UNG: variants seen among roughly 807,000 people sequenced by gnomAD.
UNG encodes the protein uracil-DNA glycosylase.
UNG carries 34 observed loss-of-function variants against 36.5 expected under a neutral mutation model. That is an observed-to-expected ratio of 0.93 (90% CI 0.71 to 1.24). The LOEUF is 1.24. UNG is among the 50% of genes most tolerant of loss of function. The probability of loss-of-function intolerance (pLI) is 0.00; values close to 1 mark genes in which losing one functional copy is unlikely to be tolerated. For missense variants in UNG, 391 were observed against 397.6 expected, an observed-to-expected ratio of 0.98 and a Z score of 0.14; for synonymous variants, 172 against 157.8, an observed-to-expected ratio of 1.09 and a Z score of -0.67.
At position 109,110,140 on chromosome 12, in the gene UNG, A is replaced by G; in HGVS notation, c.*171A>G. On this transcript the variant is annotated 3_prime_UTR_variant, in exon 7 of 7. Transcript: ENST00000242576. ...AGGAATGGCAGCTGTATCCAACCAC[A>G]AACAACAAAGGCTACCCTTTGACCA... 1.2e-6 allele frequency: 1 copy of G among 826,652 alleles called. No homozygotes were observed. The highest frequency in any genetic ancestry group is 1.9e-6 in the Non-Finnish European group (1 of 522,804). The allele number at this position is 826,652 out of a possible 1,614,324, so 51.2% of individuals were successfully genotyped here.
Position 109,101,757 on chromosome 12 carries a change from A to T in UNG, c.436-145A>T, listed in dbSNP as rs1290434188. The T allele has an allele frequency of 4.2e-6, 3 of 717,740 alleles. No individual in the cohort carries two copies. In the Admixed American group the frequency reaches 6.2e-5, roughly 15 times the overall value. The allele number at this position is 717,740 out of a possible 1,614,324, so 44.5% of individuals were successfully genotyped here. On this transcript the variant is annotated intron_variant, in intron 3 of 6. Coordinates refer to ENST00000242576, the MANE Select transcript of UNG (RefSeq NM_080911.3). ...GTACATATCTTTACAAGTTTAAAAT[A>T]CGCTTAGCCTTTGACCAGCAACTCT... is the stretch of plus-strand genomic sequence containing the variant.
At chr12:109,099,028 G>A (rs961663057) in intron 2 of UNG, among the ~76,000 whole-genome samples, 161 bp from the exon 3 acceptor site, 1 of 152,172 alleles carries the variant, frequency 6.6e-6, no homozygotes, top group East Asian at 1.9e-4. Flanking sequence ...TTAGGTGGGG[G>A]GGCAGGCACT....
intron 6 of UNG, chr12:109,105,087 T>A (rs1350623346): frequency 1.3e-5 from 2 of 152,134 alleles, no homozygotes; most frequent in Non-Finnish European, 2.9e-5. Flanking sequence ...TAATATTTTT[T>A]ATTTTTAGTA....
intron 2 of UNG, 57 bp from the exon 3 acceptor site, chr12:109,099,127 TATTGA>T (rs2042157669): frequency 6.8e-7 from 1 of 1,460,974 alleles, no homozygotes; most frequent in South Asian, 1.1e-5. Flanking sequence ...GAAGCTTTCT[TATTGA>T]ATTCTTATGG....
At position 109,102,823 on chromosome 12, in the gene UNG, T is replaced by G; in HGVS notation, c.534-16T>G. 1 of 1,602,978 alleles carries G rather than the reference T, an allele frequency of 6.2e-7. No homozygotes were observed. Among genetic ancestry groups the G allele is most frequent in the South Asian group, 1.1e-5 (1 of 90,864 alleles). ...TTAAGATTCTGTTTTTTGTTTTTCT[T>G]GTGGCTTGCTTTCAGTTTGGAGAAC... On this transcript the variant is annotated splice_polypyrimidine_tract_variant and intron_variant, in intron 4 of 6. Coordinates refer to ENST00000242576, the MANE Select transcript of UNG (RefSeq NM_080911.3).
At chr12:109,102,767 C>T (rs2042187682) in intron 4 of UNG, 72 bp from the exon 5 acceptor site, 1 of 1,261,518 alleles carries the variant, frequency 7.9e-7, no homozygotes, top group Non-Finnish European at 1.2e-6. Flanking sequence ...TCACATATGT[C>T]TTAGACGTTA....
At chr12:109,099,437 T>G in intron 3 of UNG, 153 bp downstream of exon 3, 2 of 694,934 alleles carry the variant, frequency 2.9e-6, no homozygotes, top group South Asian at 3.2e-5. Context: ...CAGCCTGTAT[T>G]TACTCTTTTT....
intron 2 of UNG, 23 bp from the exon 3 acceptor site, chr12:109,099,166 A>C: frequency 6.3e-7 from 1 of 1,599,642 alleles, no homozygotes; most frequent in Non-Finnish European, 8.6e-7. Flanking sequence ...TCTGATTTTA[A>C]GTCTAGTTTA....
At chr12:109,103,236 A>G (rs1288279510) in intron 5 of UNG, among the ~76,000 whole-genome samples, 197 bp from the exon 6 acceptor site, 1 of 152,178 alleles carries the variant, frequency 6.6e-6, no homozygotes, top group East Asian at 1.9e-4. Context: ...GATTACAGGC[A>G]TAAGCCACCA....
chr12:109,102,340 C>T (rs542670315), intron 4 of UNG, among the ~76,000 whole-genome samples: 2 of 152,028 alleles, frequency 1.3e-5, no homozygotes, highest in South Asian at 2.1e-4. Flanking sequence ...GGGCCGGGCG[C>T]GGTGACTCAC....
At chr12:109,103,292 A>G in intron 5 of UNG, 141 bp from the exon 6 acceptor site, 1 of 831,346 alleles carries the variant, frequency 1.2e-6, no homozygotes, top group East Asian at 2.6e-5. Flanking sequence ...TGCTGCCATT[A>G]TGCCGGCTGC....
chr12:109,098,658 T>C lies in UNG; in HGVS notation c.339+20T>C. 2 of 1,613,174 alleles carry C rather than the reference T, an allele frequency of 1.2e-6. No individual in the cohort carries two copies. The highest frequency in any genetic ancestry group is 1.7e-4 in the Middle Eastern group (1 of 6,060). The stretch of plus-strand genomic sequence containing the variant: ...ATCAAGGTAAATATGGAAATGCACC[T>C]TCCATAAGGGTAAATGTGGAGGCTG... On this transcript the variant is annotated intron_variant, in intron 2 of 6. Coordinates refer to ENST00000242576, the MANE Select transcript of UNG (RefSeq NM_080911.3).
Position 109,110,072 on chromosome 12 carries a change from A to C in UNG, c.*103A>C. 6.6e-7 allele frequency: 1 copy of C among 1,523,956 alleles called. No individual in the cohort carries two copies. The highest frequency in any genetic ancestry group is 1.4e-5 in the African/African-American group (1 of 73,210). The allele number at this position is 1,523,956 out of a possible 1,614,324, so 94.4% of individuals were successfully genotyped here. A position where few individuals can be genotyped will look rare whatever the true frequency, so the allele number is the denominator to read the frequency against. On this transcript the variant is annotated 3_prime_UTR_variant, in exon 7 of 7. Transcript: ENST00000242576. ...TATTAATTCTTAAGTACTCTGCATA[A>C]GGGGGAAAAGCTTCCAGAAAGCAGC...
intron 6 of UNG, among the ~76,000 whole-genome samples, chr12:109,106,646 C>G (rs2042216725): frequency 6.6e-6 from 1 of 151,212 alleles, no homozygotes; most frequent in Non-Finnish European, 1.5e-5. Context: ...TACCTGTTAT[C>G]CCAGCACTTT....
In UNG at chr12:109,099,198, T is replaced by C; in HGVS notation, c.349T>C (p.Phe117Leu). The change falls in exon 3 of 7, where the codon TTT (phenylalanine) becomes CTT (leucine). Residue 117 changes from phenylalanine to leucine, a missense_variant. By Grantham distance (22) the Phe-to-Leu change is conservative. Coordinates refer to ENST00000242576, the MANE Select transcript of UNG (RefSeq NM_080911.3). ...GKPYFIKLMGFVAEERKHYTV... is the reference protein window; with the variant it reads ...GKPYFIKLMGLVAEERKHYTV... ...TTTATCTTTAAATCAGCTAATGGGA[T>C]TTGTTGCAGAAGAAAGAAAGCATTA... 1 of 1,613,364 alleles carries C rather than the reference T, an allele frequency of 6.2e-7. No homozygotes were observed. The highest frequency in any genetic ancestry group is 8.5e-7 in the Non-Finnish European group (1 of 1,179,948).
At chr12:109,109,364 C>G (rs766910547) in intron 6 of UNG, among the ~76,000 whole-genome samples, 2 of 151,732 alleles carry the variant, frequency 1.3e-5, no homozygotes, top group Non-Finnish European at 2.9e-5. Flanking sequence ...GCTCAACAAA[C>G]GGACTAATGT....
At position 109,099,112 on chromosome 12, in the gene UNG, C is replaced by A. The variant is rs538843785; in HGVS notation, c.340-77C>A. On this transcript the variant is annotated intron_variant, in intron 2 of 6. Transcript: ENST00000242576. ...AACTAATGATGTTCCAAATAACTTG[C>A]ACTAGAAGCTTTCTTATTGAATTCT... The A allele has an allele frequency of 3.8e-5, 50 of 1,331,280 alleles. No individual in the cohort carries two copies. In the African/African-American group the frequency reaches 5.5e-4, roughly 15 times the overall value. The allele number at this position is 1,331,280 out of a possible 1,614,324, so 82.5% of individuals were successfully genotyped here. A position where few individuals can be genotyped will look rare whatever the true frequency, so the allele number is the denominator to read the frequency against.
At chr12:109,103,819 GAAAGC>G (rs955429731) in intron 6 of UNG, among the ~76,000 whole-genome samples, 1 of 152,088 alleles carries the variant, frequency 6.6e-6, no homozygotes, top group African/African-American at 2.4e-5. Flanking sequence ...TGTGTATGAG[GAAAGC>G]AAAGCAACTG....
rs757311287 is a variant in UNG at position 109,099,207 on chromosome 12, GAAGA to G, written c.366_369del (p.Arg122SerfsTer21). The stretch of plus-strand genomic sequence containing the variant: ...AAATCAGCTAATGGGATTTGTTGCA[GAAGA>G]AAGAAAGCATTACACTGTTTATCCA... On this transcript the variant is annotated frameshift_variant, in exon 3 of 7. Transcript: ENST00000242576. LOFTEE classifies it high-confidence loss of function. 2.0e-5 allele frequency: 32 copies of G among 1,613,464 alleles called. No homozygotes were observed. Among genetic ancestry groups the G allele is most frequent in the African/African-American group, 2.7e-5 (2 of 74,920 alleles).
Sources: gnomAD v4.1 joint callset for allele counts (sites outside exome capture counted in the v4.1 genomes callset) on GRCh38, gnomAD v4.1.1 for gene constraint, MANE v1.5 for transcripts, NCBI Gene and HGNC (gene_info 2026-07-23, HGNC 2026-07-21) for gene names.